Variants in LRFN5 observed in about 807,000 individuals in gnomAD.
LRFN5 encodes the protein leucine rich repeat and fibronectin type III domain containing 5.
Under a neutral mutation model 45.6 loss-of-function variants are expected in LRFN5, and 24 were observed. The ratio of observed to expected loss-of-function variants is 0.53; its 90% CI spans 0.38 to 0.74. LRFN5 has a LOEUF of 0.74. Ranked by LOEUF, LRFN5 falls within the 30% of genes least tolerant of loss-of-function variation. LRFN5 has a pLI of 0.00. For synonymous variants in LRFN5, 340 were observed against 313.8 expected (o/e 1.08, Z -0.88); for missense variants, 776 against 861.5 (o/e 0.90, Z 1.24).
chr14:41,855,801 A>G (rs1011970949), intron 2 of LRFN5, among the ~76,000 whole-genome samples: 2 of 152,180 alleles, frequency 1.3e-5, no homozygotes, highest in African/African-American at 4.8e-5. Flanking sequence ...TTTCACTGCA[A>G]AACTGTTTTA....
At position 41,781,582 on chromosome 14, in the gene LRFN5, A is replaced by AAGAGAAAGAAAGAAAGGAAAGAAAGAAAG; in HGVS notation, c.-21+14556_-21+14557insGAAAGAAAGAAAGGAAAGAAAGAAAGAGA. The stretch of plus-strand genomic sequence containing the variant: ...AGAGAAAGAAAGAAAGAAAGAAAGA[A>AAGAGAAAGAAAGAAAGGAAAGAAAGAAAG]AGAAAGAAAGAAAGAAAGAAAGAAA... On this transcript the variant is annotated intron_variant, in intron 2 of 5. Coordinates refer to ENST00000298119, the MANE Select transcript of LRFN5 (RefSeq NM_152447.5). Among the ~76,000 whole-genome samples the AAGAGAAAGAAAGAAAGGAAAGAAAGAAAG allele has an allele frequency of 7.4e-4, 83 of 112,500 alleles. 4 individuals carry two copies. The highest frequency in any genetic ancestry group is 4.0e-3 in the Admixed American group (45 of 11,316). The allele number at this position is 112,500 out of a possible 152,430, so 73.8% of individuals were successfully genotyped here.
At chr14:41,661,370 CA>C (rs1244141708) in intron 1 of LRFN5, among the ~76,000 whole-genome samples, 1 of 151,870 alleles carries the variant, frequency 6.6e-6, no homozygotes, top group Non-Finnish European at 1.5e-5. Context: ...TTCCTGGGTT[CA>C]AAATACTGCT....
At chr14:41,637,170 T>C (rs1200437028) in intron 1 of LRFN5, among the ~76,000 whole-genome samples, 1 of 152,072 alleles carries the variant, frequency 6.6e-6, no homozygotes, top group East Asian at 1.9e-4. Context: ...AGGGGAGAAT[T>C]GGGTTAGTTC....
intron 2 of LRFN5, among the ~76,000 whole-genome samples, chr14:41,812,609 A>G (rs975808894): frequency 6.6e-6 from 1 of 151,954 alleles, no homozygotes; most frequent in East Asian, 1.9e-4. Context: ...AAATAAATAT[A>G]TATATATAAA....
intron 1 of LRFN5, among the ~76,000 whole-genome samples, chr14:41,724,891 C>T (rs1022636940): frequency 1.3e-5 from 2 of 152,084 alleles, no homozygotes; most frequent in African/African-American, 2.4e-5. Flanking sequence ...CTTTGGTAAT[C>T]GGTTACTACC....
intron 1 of LRFN5, among the ~76,000 whole-genome samples, chr14:41,721,959 G>GT (rs1594645593): frequency 1.3e-5 from 2 of 151,914 alleles, no homozygotes; most frequent in African/African-American, 4.8e-5. Flanking sequence ...CCTCAAATAT[G>GT]TTTTCCAAGT....
intron 2 of LRFN5, among the ~76,000 whole-genome samples, chr14:41,879,663 G>C (rs1231238298): frequency 6.6e-6 from 1 of 150,906 alleles, no homozygotes; most frequent in Non-Finnish European, 1.5e-5. Flanking sequence ...TTTTATGAGA[G>C]GATTTTGATT....
At chr14:41,831,184 A>G (rs974605743) in intron 2 of LRFN5, among the ~76,000 whole-genome samples, 1 of 152,230 alleles carries the variant, frequency 6.6e-6, no homozygotes, top group Non-Finnish European at 1.5e-5. Context: ...AAAAGAATAC[A>G]AAGAGGATAT....
intron 1 of LRFN5, among the ~76,000 whole-genome samples, chr14:41,663,355 C>T (rs1393853731): frequency 2.0e-5 from 3 of 151,894 alleles, no homozygotes; most frequent in Non-Finnish European, 4.4e-5. Context: ...AAAAGCCAAC[C>T]AGAAGGTCAC....
At chr14:41,903,992 A>G (rs1891174070) in intron 5 of LRFN5, among the ~76,000 whole-genome samples, 166 bp from the exon 6 acceptor site, 1 of 152,054 alleles carries the variant, frequency 6.6e-6, no homozygotes, top group African/African-American at 2.4e-5. Context: ...ATGCATGTTT[A>G]GATAGTTTTC....
At chr14:41,781,602 AAGAAAG>A (rs1886509296) in intron 2 of LRFN5, among the ~76,000 whole-genome samples, 3 of 89,516 alleles carry the variant, frequency 3.4e-5, no homozygotes, top group East Asian at 3.8e-4. Flanking sequence ...GAAAGAAAGA[AAGAAAG>A]AAAGAAAGAG....
chr14:41,663,272 A>T (rs937242983), intron 1 of LRFN5, among the ~76,000 whole-genome samples: 1 of 152,122 alleles, frequency 6.6e-6, no homozygotes, highest in Non-Finnish European at 1.5e-5. Flanking sequence ...CAGAGTTCAG[A>T]TAGGTGTTTA....
intron 5 of LRFN5, among the ~76,000 whole-genome samples, chr14:41,899,702 G>T (rs1396855710): frequency 6.6e-6 from 1 of 152,078 alleles, no homozygotes; most frequent in African/African-American, 2.4e-5. Flanking sequence ...TGATTTATTT[G>T]CTGGTAGTAA....
At chr14:41,657,119 C>G (rs1029019739) in intron 1 of LRFN5, among the ~76,000 whole-genome samples, 15 of 151,866 alleles carry the variant, frequency 9.9e-5, no homozygotes, top group African/African-American at 3.4e-4. Context: ...TGTTTTCCAG[C>G]CTCTCATCTA....
intron 2 of LRFN5, among the ~76,000 whole-genome samples, chr14:41,877,197 T>C (rs1241232755): frequency 1.3e-5 from 2 of 152,312 alleles, no homozygotes; most frequent in Non-Finnish European, 2.9e-5. Flanking sequence ...AGTTTTATCA[T>C]ATACAATGAG....
At chr14:41,621,467 A>C (rs1163406788) in intron 1 of LRFN5, among the ~76,000 whole-genome samples, 1 of 152,154 alleles carries the variant, frequency 6.6e-6, no homozygotes. Flanking sequence ...TTTAAACTGA[A>C]ATGATAAATT....
intron 1 of LRFN5, among the ~76,000 whole-genome samples, chr14:41,712,684 A>G (rs1405498416): frequency 6.6e-6 from 1 of 152,206 alleles, no homozygotes; most frequent in African/African-American, 2.4e-5. Flanking sequence ...GGTGATTACT[A>G]TGAAGTTTGC....
chr14:41,774,610 C>G (rs1790454626), intron 2 of LRFN5, among the ~76,000 whole-genome samples: 1 of 152,128 alleles, frequency 6.6e-6, no homozygotes, highest in African/African-American at 2.4e-5. Context: ...GAAAAAACAT[C>G]AGGAATTTGA....
chr14:41,617,623 A>T (rs1461899072), intron 1 of LRFN5, among the ~76,000 whole-genome samples: 3 of 152,112 alleles, frequency 2.0e-5, no homozygotes, highest in African/African-American at 7.2e-5. Flanking sequence ...AAAGCACTTT[A>T]TCCACTAGGA....
Sources: allele counts gnomAD v4.1 joint callset (sites outside exome capture counted in the v4.1 genomes callset), GRCh38; gene constraint gnomAD v4.1.1; transcripts MANE v1.5; gene names NCBI Gene and HGNC (gene_info 2026-07-23, HGNC 2026-07-21).